The following KCNH5 variants were observed in gnomAD, a reference collection of about 807,000 sequenced individuals.
KCNH5 encodes voltage-gated delayed rectifier potassium channel KCNH5.
A neutral mutation model predicts 96.1 loss-of-function variants in KCNH5; 46 were observed. The observed-to-expected ratio is 0.48, with a 90% CI of 0.38 to 0.61. KCNH5 has a LOEUF of 0.61. KCNH5 is among the 20% of genes least tolerant of loss of function. KCNH5 has a pLI of 0.00. For synonymous variants in KCNH5, 439 were observed against 449.8 expected, an observed-to-expected ratio of 0.98 and a Z score of 0.30; for missense variants, 907 against 1,225.8, an observed-to-expected ratio of 0.74 and a Z score of 3.88.
chr14:62,749,224 T>G (rs1003828474), intron 10 of KCNH5, among the ~76,000 whole-genome samples: 1 of 152,206 alleles, frequency 6.6e-6, no homozygotes, highest in African/African-American at 2.4e-5. Context: ...CCAATCCATA[T>G]CTTTAGGTTA....
intron 10 of KCNH5, among the ~76,000 whole-genome samples, chr14:62,747,029 C>T (rs543792649): frequency 1.2e-4 from 18 of 152,326 alleles, no homozygotes; most frequent in Admixed American, 5.2e-4. Flanking sequence ...TAGTTTGAGG[C>T]TGTAAATAAA....
At chr14:62,877,896 G>T (rs1426207926) in intron 7 of KCNH5, among the ~76,000 whole-genome samples, 1 of 151,424 alleles carries the variant, frequency 6.6e-6, no homozygotes, top group South Asian at 2.1e-4. Context: ...ACATGCACAC[G>T]TATGTTTATT....
intron 5 of KCNH5, among the ~76,000 whole-genome samples, chr14:62,985,976 G>C (rs892091154): frequency 6.6e-6 from 1 of 152,106 alleles, no homozygotes; most frequent in Non-Finnish European, 1.5e-5. Context: ...ACATAGAATT[G>C]TCCTGGACTC....
intron 10 of KCNH5, among the ~76,000 whole-genome samples, chr14:62,714,125 AATTT>A (rs779499250): frequency 1.0e-4 from 2 of 19,328 alleles, no homozygotes; most frequent in Non-Finnish European, 3.8e-4. Context: ...TCTACAATAA[AATTT>A]AAAAAAAAAA....
At chr14:63,012,297 C>A (rs1891244349) in intron 2 of KCNH5, among the ~76,000 whole-genome samples, 1 of 152,106 alleles carries the variant, frequency 6.6e-6, no homozygotes, top group African/African-American at 2.4e-5. Flanking sequence ...GTAAAATGGA[C>A]AACATTTGAA....
In KCNH5 at chr14:62,826,169, T is replaced by C. The variant is rs947739919; in HGVS notation, c.1569+23484A>G. 6.5e-4 allele frequency among the ~76,000 whole-genome samples: 99 copies of C among 152,140 alleles called. 5 individuals carry two copies. Among genetic ancestry groups the C allele is most frequent in the Non-Finnish European group, 2.9e-5 (2 of 68,008 alleles). ...GCTGTGTTAAAGTGTCGTATTATTTTTGTGCTATTTAAACTCTTCTTTCAT... is the reference window on the plus strand; with the variant it reads ...GCTGTGTTAAAGTGTCGTATTATTTCTGTGCTATTTAAACTCTTCTTTCAT... On this transcript the variant is annotated intron_variant, in intron 8 of 10. Coordinates refer to ENST00000322893, the MANE Select transcript of KCNH5 (RefSeq NM_139318.5).
At chr14:62,844,452 G>T (rs1430374106) in intron 8 of KCNH5, among the ~76,000 whole-genome samples, 2 of 152,014 alleles carry the variant, frequency 1.3e-5, no homozygotes, top group Non-Finnish European at 2.9e-5. Context: ...TTCAAACTGT[G>T]GGGTCGAATT....
At chr14:62,833,109 A>G (rs1250681295) in intron 8 of KCNH5, among the ~76,000 whole-genome samples, 1 of 151,772 alleles carries the variant, frequency 6.6e-6, no homozygotes, top group East Asian at 2.0e-4. Flanking sequence ...GTCCTACAGA[A>G]GTTTTTTAGT....
intron 6 of KCNH5, among the ~76,000 whole-genome samples, chr14:62,972,274 C>T (rs531495288): frequency 5.8e-4 from 88 of 152,210 alleles, no homozygotes; most frequent in African/African-American, 2.0e-3. Context: ...AATTTTAAAA[C>T]ATCAAAAGAG....
chr14:62,896,852 T>C (rs756577027), intron 7 of KCNH5, among the ~76,000 whole-genome samples: 2 of 152,220 alleles, frequency 1.3e-5, no homozygotes, highest in African/African-American at 2.4e-5. Context: ...AATACTGCAT[T>C]GCTAGCATTA....
intron 8 of KCNH5, among the ~76,000 whole-genome samples, chr14:62,808,817 C>T (rs1019861429): frequency 6.6e-6 from 1 of 152,042 alleles, no homozygotes; most frequent in Non-Finnish European, 1.5e-5. Flanking sequence ...TTGTGGCTGT[C>T]CTAAAACTTT....
intron 6 of KCNH5, among the ~76,000 whole-genome samples, chr14:62,957,295 G>A (rs181749489): frequency 3.3e-5 from 5 of 152,220 alleles, no homozygotes; most frequent in African/African-American, 7.2e-5. Flanking sequence ...TTATCTGACC[G>A]TCGCTAATAA....
intron 7 of KCNH5, among the ~76,000 whole-genome samples, chr14:62,884,090 A>G (rs760359926): frequency 1.3e-5 from 2 of 152,142 alleles, no homozygotes; most frequent in Non-Finnish European, 2.9e-5. Flanking sequence ...GTACTGCAGA[A>G]ATGGGAAGTT....
chr14:62,920,340 C>A (rs61995065), intron 7 of KCNH5, among the ~76,000 whole-genome samples: 5 of 152,054 alleles, frequency 3.3e-5, no homozygotes, highest in African/African-American at 7.2e-5. Flanking sequence ...CTACTAAACT[C>A]TGGAAAACTT....
At chr14:62,777,940 C>T (rs1886133087) in intron 10 of KCNH5, among the ~76,000 whole-genome samples, 1 of 152,082 alleles carries the variant, frequency 6.6e-6, no homozygotes, top group Non-Finnish European at 1.5e-5. Flanking sequence ...CCCTCCTTGG[C>T]CCCTTGCATT....
chr14:62,781,779 T>C (rs1213027347), intron 9 of KCNH5, among the ~76,000 whole-genome samples: 1 of 152,190 alleles, frequency 6.6e-6, no homozygotes, highest in East Asian at 1.9e-4. Context: ...TTCATATTGC[T>C]CAAACACATA....
intron 7 of KCNH5, among the ~76,000 whole-genome samples, chr14:62,856,333 T>G (rs1366344601): frequency 6.6e-6 from 1 of 152,218 alleles, no homozygotes; most frequent in African/African-American, 2.4e-5. Context: ...CCCTCCATAA[T>G]GATAACCAGT....
At chr14:62,914,685 C>G (rs1264462090) in intron 7 of KCNH5, among the ~76,000 whole-genome samples, 1 of 152,108 alleles carries the variant, frequency 6.6e-6, no homozygotes, top group African/African-American at 2.4e-5. Context: ...TAGAAGACAC[C>G]ATCTATGAGG....
intron 8 of KCNH5, among the ~76,000 whole-genome samples, chr14:62,818,867 A>G (rs1887054264): frequency 6.6e-6 from 1 of 152,228 alleles, no homozygotes; most frequent in African/African-American, 2.4e-5. Context: ...CCATGTCAAA[A>G]TAATGGTTAC....
Sources: gnomAD v4.1 joint callset for allele counts (sites outside exome capture counted in the v4.1 genomes callset) on GRCh38, gnomAD v4.1.1 for gene constraint, MANE v1.5 for transcripts, NCBI Gene and HGNC (gene_info 2026-07-23, HGNC 2026-07-21) for gene names.